The following BMAL1 variants were observed in gnomAD, a reference collection of about 807,000 sequenced individuals.
BMAL1 encodes the protein basic helix-loop-helix ARNT like 1.
the BMAL1 span, among the ~76,000 whole-genome samples, chr11:13,321,839 C>T: frequency 6.6e-6 from 1 of 152,188 alleles, no homozygotes; most frequent in Non-Finnish European, 1.5e-5. Context: ...AAAGAATACA[C>T]AGTGCCCTGA....
chr11:13,301,962 G>C, the BMAL1 span, among the ~76,000 whole-genome samples: 1 of 152,210 alleles, frequency 6.6e-6, no homozygotes, highest in South Asian at 2.1e-4. Context: ...CGACCATGAA[G>C]CTGTCCTGTC....
At chr11:13,284,194 GTGTGTATATATATA>G in the BMAL1 span, among the ~76,000 whole-genome samples, 3 of 14,694 alleles carry the variant, frequency 2.0e-4, no homozygotes, top group African/African-American at 7.9e-4. Flanking sequence ...ATATATATAT[GTGTGTATATATATA>G]TGTGTATATA....
chr11:13,288,395 T>TTTC, the BMAL1 span, among the ~76,000 whole-genome samples: 13 of 21,824 alleles, frequency 6.0e-4, no homozygotes, highest in African/African-American at 1.1e-3. Context: ...GATTTTCTTT[T>TTTC]TTCTTTCTTT....
the BMAL1 span, among the ~76,000 whole-genome samples, chr11:13,278,324 C>A: frequency 1.3e-5 from 2 of 152,214 alleles, no homozygotes; most frequent in Non-Finnish European, 2.9e-5. Flanking sequence ...ATAGCTCTGC[C>A]CTTGGGGGCA....
the BMAL1 span, chr11:13,381,403 T>G: frequency 1.3e-6 from 1 of 743,370 alleles, no homozygotes; most frequent in Admixed American, 2.3e-5. Context: ...TGAGGCTGGA[T>G]ACAAAGCATA....
the BMAL1 span, among the ~76,000 whole-genome samples, chr11:13,305,471 C>G: frequency 6.6e-6 from 1 of 152,196 alleles, no homozygotes; most frequent in Non-Finnish European, 1.5e-5. Context: ...GTTTGCTAAA[C>G]TCACTAATTA....
the BMAL1 span, among the ~76,000 whole-genome samples, chr11:13,364,189 C>T: frequency 1.3e-5 from 2 of 152,222 alleles, no homozygotes; most frequent in African/African-American, 4.8e-5. Flanking sequence ...ATGAGGCTTC[C>T]AGCAGATGGT....
At chr11:13,313,489 TGC>T in the BMAL1 span, among the ~76,000 whole-genome samples, 1 of 152,306 alleles carries the variant, frequency 6.6e-6, no homozygotes, top group African/African-American at 2.4e-5. Context: ...TTTCTCCCTG[TGC>T]TGCCTGCTTG....
At chr11:13,305,940 T>C in the BMAL1 span, among the ~76,000 whole-genome samples, 1 of 152,246 alleles carries the variant, frequency 6.6e-6, no homozygotes, top group Non-Finnish European at 1.5e-5. Context: ...GTTCCAAGTC[T>C]GAGCTATATG....
chr11:13,284,180 GTATATATA>G, the BMAL1 span, among the ~76,000 whole-genome samples: 2 of 21,140 alleles, frequency 9.5e-5, 1 homozygote, highest in Non-Finnish European at 2.2e-4. Flanking sequence ...ATATATATGT[GTATATATA>G]TATATGTGTG....
chr11:13,312,866 G>A, the BMAL1 span, among the ~76,000 whole-genome samples: 1 of 152,174 alleles, frequency 6.6e-6, no homozygotes, highest in Non-Finnish European at 1.5e-5. Context: ...TGGTTATAGA[G>A]GTGAAACAGG....
chr11:13,327,498 T>C, the BMAL1 span, among the ~76,000 whole-genome samples: 4 of 152,288 alleles, frequency 2.6e-5, no homozygotes, highest in African/African-American at 9.6e-5. Flanking sequence ...GTTTGCTTCC[T>C]TGCGCTTTTC....
chr11:13,313,609 A>G, the BMAL1 span, among the ~76,000 whole-genome samples: 3 of 151,708 alleles, frequency 2.0e-5, no homozygotes, highest in East Asian at 1.9e-4. Flanking sequence ...TAATTTGTCA[A>G]CTCAGTTCTT....
At chr11:13,377,955 T>A in the BMAL1 span, among the ~76,000 whole-genome samples, 1 of 152,224 alleles carries the variant, frequency 6.6e-6, no homozygotes, top group African/African-American at 2.4e-5. Flanking sequence ...TGCTTGCCTG[T>A]CAAACTTACA....
chr11:13,348,300 T>G, the BMAL1 span, among the ~76,000 whole-genome samples: 1 of 152,182 alleles, frequency 6.6e-6, no homozygotes, highest in Non-Finnish European at 1.5e-5. Context: ...AGGGTTGGGC[T>G]GAAGACTAAG....
At chr11:13,355,190 G>GTA in the BMAL1 span, 1 of 1,590,490 alleles carries the variant, frequency 6.3e-7, no homozygotes. Flanking sequence ...CTCCGAGGAG[G>GTA]TATACCCCCT....
the BMAL1 span, among the ~76,000 whole-genome samples, chr11:13,293,410 C>T: frequency 6.6e-6 from 1 of 152,178 alleles, no homozygotes; most frequent in African/African-American, 2.4e-5. Context: ...ATGGCAATAA[C>T]AGTGATGGCC....
the BMAL1 span, among the ~76,000 whole-genome samples, chr11:13,335,760 A>G: frequency 2.6e-5 from 4 of 152,220 alleles, no homozygotes; most frequent in Non-Finnish European, 5.9e-5. Flanking sequence ...AGGTGCAAGC[A>G]TTTCATATAT....
the BMAL1 span, chr11:13,355,159 T>C: frequency 6.9e-7 from 1 of 1,444,148 alleles, no homozygotes; most frequent in South Asian, 1.2e-5. Context: ...AGAGGTTTTC[T>C]TTTGTTTAAT....
Sources: gnomAD v4.1 joint callset for allele counts (sites outside exome capture counted in the v4.1 genomes callset) on GRCh38, gnomAD v4.1.1 for gene constraint, MANE v1.5 for transcripts, NCBI Gene and HGNC (gene_info 2026-07-23, HGNC 2026-07-21) for gene names.